GABRA4: variants seen among roughly 807,000 people sequenced by gnomAD.
GABRA4 encodes gamma-aminobutyric acid type A receptor subunit alpha4, also known as gamma-aminobutyric acid receptor subunit alpha-4.
GABRA4 carries 12 observed loss-of-function variants against 49.7 expected under a neutral mutation model. That is an observed-to-expected ratio of 0.24 (90% CI 0.15 to 0.39). The LOEUF (loss-of-function observed/expected upper bound fraction) is 0.39, where lower values mean the gene tolerates loss of function less well. Ranked by LOEUF, GABRA4 falls within the 10% of genes least tolerant of loss-of-function variation. GABRA4 has a pLI of 1.00. For missense variants in GABRA4, 506 were observed against 686.0 expected, an observed-to-expected ratio of 0.74 and a Z score of 2.93; for synonymous variants, 288 against 240.2, an observed-to-expected ratio of 1.20 and a Z score of -1.84.
At chr4:46,947,765 C>A (rs754302487) in intron 8 of GABRA4, among the ~76,000 whole-genome samples, 12 of 152,060 alleles carry the variant, frequency 7.9e-5, no homozygotes, top group Non-Finnish European at 1.3e-4. Context: ...GACTTAAAAG[C>A]ATGTGTTTCC....
At chr4:46,961,054 A>C (rs1349963604) in intron 8 of GABRA4, among the ~76,000 whole-genome samples, 13 of 151,970 alleles carry the variant, frequency 8.6e-5, no homozygotes, top group Non-Finnish European at 1.9e-4. Context: ...ATAAAACTGC[A>C]TACTCAATCA....
At chr4:46,936,614 A>T (rs549515960) in intron 8 of GABRA4, among the ~76,000 whole-genome samples, 1 of 152,294 alleles carries the variant, frequency 6.6e-6, no homozygotes, top group South Asian at 2.1e-4. Flanking sequence ...GTCATCAGGG[A>T]AACAGCACAG....
At chr4:46,945,559 G>A (rs1439093869) in intron 8 of GABRA4, among the ~76,000 whole-genome samples, 2 of 152,040 alleles carry the variant, frequency 1.3e-5, no homozygotes, top group East Asian at 1.9e-4. Flanking sequence ...GCACACACTA[G>A]AACAGCTTTT....
intron 8 of GABRA4, among the ~76,000 whole-genome samples, chr4:46,935,963 A>C (rs1721589968): frequency 6.6e-6 from 1 of 152,234 alleles, no homozygotes; most frequent in African/African-American, 2.4e-5. Flanking sequence ...GTGCGAATTA[A>C]CACTAGAGTA....
In GABRA4 at chr4:46,926,231, A is replaced by G. The variant is rs1172170399; in HGVS notation, c.*1994T>C. 1.3e-5 allele frequency: 2 copies of G among 151,940 alleles called. No individual in the cohort carries two copies. The highest frequency in any genetic ancestry group is 2.9e-5 in the Non-Finnish European group (2 of 67,902). 9.4% of individuals were successfully genotyped at this position (151,940 alleles called of 1,614,324 possible). A position where few individuals can be genotyped will look rare whatever the true frequency, so the allele number is the denominator to read the frequency against. On this transcript the variant is annotated 3_prime_UTR_variant, in exon 9 of 9. Transcript: ENST00000264318. Reference sequence around the variant, plus strand: ...AACCATATTTCCAAACATCGTCCTCAAGGCCAGAAATCTATTCACATTCAT... The same window carrying G: ...AACCATATTTCCAAACATCGTCCTCGAGGCCAGAAATCTATTCACATTCAT...
chr4:46,963,030 G>A (rs572233400), intron 8 of GABRA4, among the ~76,000 whole-genome samples: 1 of 151,876 alleles, frequency 6.6e-6, no homozygotes, highest in Non-Finnish European at 1.5e-5. Context: ...TTGGACATTG[G>A]TCTGGGCAAA....
intron 5 of GABRA4, among the ~76,000 whole-genome samples, chr4:46,975,815 C>A (rs1339391124): frequency 6.6e-6 from 1 of 151,802 alleles, no homozygotes; most frequent in Admixed American, 6.6e-5. Flanking sequence ...TAATTCTGGC[C>A]CCAATGAGAT....
intron 5 of GABRA4, among the ~76,000 whole-genome samples, chr4:46,974,604 T>A (rs1490012415): frequency 6.6e-6 from 1 of 151,956 alleles, no homozygotes; most frequent in Non-Finnish European, 1.5e-5. Flanking sequence ...ATTTATTTTT[T>A]ATGCCAAATA....
At chr4:46,946,221 G>T (rs1721972916) in intron 8 of GABRA4, among the ~76,000 whole-genome samples, 1 of 152,034 alleles carries the variant, frequency 6.6e-6, no homozygotes, top group Admixed American at 6.6e-5. Flanking sequence ...ATTTTATAAT[G>T]TTGATACTTC....
In GABRA4 at chr4:46,928,737, T is replaced by C. The variant is rs202172092; in HGVS notation, c.1153A>G (p.Asn385Asp). The C allele has an allele frequency of 1.2e-5, 19 of 1,609,854 alleles. No individual in the cohort carries two copies. The highest frequency in any genetic ancestry group is 1.7e-5 in the Admixed American group (1 of 59,702). The change falls in exon 9 of 9, where the codon AAC becomes GAC. Residue 385 changes from asparagine (N) to aspartate (D), a missense_variant. This residue lies in a region of GABRA4 where 243 missense variants were observed against 210.8 expected (regional missense o/e 1.15). Transcript: ENST00000264318. ...AAAGCATTTGTTCTTTTTCTCATGT[T>C]CAAATTGGCATTTGTATTCTGAAAA... Reference protein sequence around the residue: ...APLQNTNANLNMRKRTNALVH... With the variant: ...APLQNTNANLDMRKRTNALVH...
chr4:46,926,919 T>A lies in GABRA4; in HGVS notation c.*1306A>T, dbSNP rs1419453343. On this transcript the variant is annotated 3_prime_UTR_variant, in exon 9 of 9. Transcript: ENST00000264318. Reference sequence around the variant, plus strand: ...TCTCTTAATTTTAAAATATTCCCCTTAGTTATTAAACCTTAAAAAAACTCC... The same window carrying A: ...TCTCTTAATTTTAAAATATTCCCCTAAGTTATTAAACCTTAAAAAAACTCC... 1.3e-5 allele frequency: 2 copies of A among 151,860 alleles called. No homozygotes were observed. Among genetic ancestry groups the A allele is most frequent in the Non-Finnish European group, 2.9e-5 (2 of 67,878 alleles). 9.4% of individuals were successfully genotyped at this position (151,860 alleles called of 1,614,324 possible).
chr4:46,959,758 C>CAAAAAAAAAA (rs67861758), intron 8 of GABRA4, among the ~76,000 whole-genome samples: 60 of 82,640 alleles, frequency 7.3e-4, no homozygotes, highest in African/African-American at 2.3e-3. Context: ...CATCACTTTG[C>CAAAAAAAAAA]AAAAAAAAAA....
chr4:46,948,624 C>G (rs1722062088), intron 8 of GABRA4, among the ~76,000 whole-genome samples: 1 of 152,086 alleles, frequency 6.6e-6, no homozygotes, highest in Admixed American at 6.6e-5. Flanking sequence ...GTCTATCAAG[C>G]AGATTACCAT....
intron 8 of GABRA4, among the ~76,000 whole-genome samples, chr4:46,944,864 G>A (rs1282474673): frequency 6.6e-6 from 1 of 151,986 alleles, no homozygotes; most frequent in African/African-American, 2.4e-5. Flanking sequence ...CAGACTGTGA[G>A]TTTCTTTAAG....
chr4:46,978,410 G>T (rs559560232), intron 3 of GABRA4, among the ~76,000 whole-genome samples: 3 of 151,568 alleles, frequency 2.0e-5, no homozygotes, highest in Admixed American at 2.0e-4. Flanking sequence ...AAAAACAGCC[G>T]GGCACGGTGG....
At chr4:46,965,262 C>A (rs2055943) in intron 7 of GABRA4, 33 bp from the exon 8 acceptor site, 360,175 of 1,369,300 alleles carry the variant, frequency 0.26, 49,018 homozygotes, top group East Asian at 0.31. Context: ...GACAAAACAC[C>A]TTACCATCAT....
At chr4:46,960,104 CA>C (rs1224926571) in intron 8 of GABRA4, among the ~76,000 whole-genome samples, 1 of 150,594 alleles carries the variant, frequency 6.6e-6, no homozygotes, top group African/African-American at 2.4e-5. Flanking sequence ...AATATAATAG[CA>C]AAATTAATAT....
rs1206980778 is a variant in GABRA4, at chr4:46,965,293, A to AC, written c.875-65dup. ...ATCATTTGTATTAAAAAGCACCGCC[A>AC]CCACCAACAAAAACCTAGAAAATCA... On this transcript the variant is annotated intron_variant, in intron 7 of 8. Transcript: ENST00000264318. 10 of 1,315,144 alleles carry AC rather than the reference A, an allele frequency of 7.6e-6. No individual in the cohort carries two copies. The Admixed American group carries it at 2.9e-4, about 38-fold the overall frequency. 81.5% of individuals were successfully genotyped at this position (1,315,144 alleles called of 1,614,324 possible).
chr4:46,943,395 C>T (rs372562922), intron 8 of GABRA4, among the ~76,000 whole-genome samples: 1 of 152,104 alleles, frequency 6.6e-6, no homozygotes, highest in African/African-American at 2.4e-5. Flanking sequence ...CATTTTTCAC[C>T]TGGCTATTGC....
Sources: gnomAD v4.1 joint callset for allele counts (sites outside exome capture counted in the v4.1 genomes callset) on GRCh38, gnomAD v4.1.1 for gene constraint, gnomAD v4.1.1 regional missense constraint, MANE v1.5 for transcripts, NCBI Gene and HGNC (gene_info 2026-07-23, HGNC 2026-07-21) for gene names.